The following ZNF562 variants were observed in gnomAD, a reference collection of about 807,000 sequenced individuals.
The protein encoded by ZNF562 is zinc finger protein 562.
ZNF562 carries 13 observed loss-of-function variants against 17.5 expected under a neutral mutation model. The observed-to-expected ratio is 0.74, with a 90% CI of 0.48 to 1.18. The LOEUF (loss-of-function observed/expected upper bound fraction) is 1.18. Ranked by LOEUF, ZNF562 falls within the 50% of genes most tolerant of loss-of-function variation. ZNF562 has a pLI of 0.00. For missense variants in ZNF562, 481 were observed against 498.5 expected, an observed-to-expected ratio of 0.96 and a Z score of 0.33; for synonymous variants, 163 against 165.4, an observed-to-expected ratio of 0.99 and a Z score of 0.11.
Position 9,659,458 on chromosome 19 carries a change from G to T in ZNF562, c.35C>A (p.Pro12His), listed in dbSNP as rs756681561. ...TTCAAAAGGACAGATTGGTTCCCTG[G>T]GAAAAAACCCTAGTGGAAAAGTAAG... ...SAFDMSHGFF[P>H]REPICPFEEK... is the part of the protein sequence containing the mutation. The change falls in exon 3 of 6, where the codon CCC becomes CAC. Residue 12 changes from proline to histidine, a missense_variant. This residue lies in a region of ZNF562 where 403 missense variants were observed against 386.4 expected (regional missense o/e 1.04). Coordinates refer to ENST00000453372, the MANE Select transcript of ZNF562 (RefSeq NM_001130031.2). 24 of 1,550,716 alleles carry T rather than the reference G, an allele frequency of 1.5e-5. No individual in the cohort carries two copies. The East Asian group carries it at 5.6e-4, about 36-fold the overall frequency.
In ZNF562 at chr19:9,642,838, C is replaced by A. The variant is rs1012385465; in HGVS notation, c.*10111G>T. The A allele has an allele frequency of 7.0e-6, 1 of 143,772 alleles. No homozygotes were observed. The highest frequency in any genetic ancestry group is 1.5e-5 in the Non-Finnish European group (1 of 65,762). The allele number at this position is 143,772 out of a possible 1,614,324, so 8.9% of individuals were successfully genotyped here. Reference sequence around the variant, plus strand: ...AACAGGATTTCAAGACCAGCCTGGGCAATATAGTGAGACACAGTCTCGACC... The same window carrying A: ...AACAGGATTTCAAGACCAGCCTGGGAAATATAGTGAGACACAGTCTCGACC... On this transcript the variant is annotated 3_prime_UTR_variant, in exon 6 of 6. Coordinates refer to ENST00000453372, the MANE Select transcript of ZNF562 (RefSeq NM_001130031.2).
Position 9,653,517 on chromosome 19 carries a change from T to C in ZNF562, c.713A>G (p.Glu238Gly), listed in dbSNP as rs767787366. ...GEKLCEFQECERAITTSSHLK... is the reference protein window; with the variant it reads ...GEKLCEFQECGRAITTSSHLK... ...GTGTGAGGAAGTTGTGATGGCTCTCTCACATTCCTGAAATTCACAGAGTTT... is the reference window on the plus strand; with the variant it reads ...GTGTGAGGAAGTTGTGATGGCTCTCCCACATTCCTGAAATTCACAGAGTTT... Residue 238 changes from glutamate (E) to glycine (G), a missense_variant, in exon 6 of 6, where the codon GAG becomes GGG. This residue lies in a region of ZNF562 where 403 missense variants were observed against 386.4 expected (regional missense o/e 1.04). Transcript: ENST00000453372. 2 of 1,614,216 alleles carry C rather than the reference T, an allele frequency of 1.2e-6. No individual in the cohort carries two copies. The highest frequency in any genetic ancestry group is 8.5e-7 in the Non-Finnish European group (1 of 1,180,036).
rs143760171 is a variant in ZNF562 at position 9,672,849 on chromosome 19, G to A, written c.-131+2166C>T. Among the ~76,000 whole-genome samples the A allele has an allele frequency of 2.0e-3, 295 of 147,302 alleles. 5 individuals are homozygous for A. The highest frequency in any genetic ancestry group is 0.015 in the Admixed American group (224 of 14,508). Reference sequence around the variant, plus strand: ...GGCTGGAGGGCAGTGGCGGGATCTCGGCTCAATGCAACCTCCGCCTCCCGG... The same window carrying A: ...GGCTGGAGGGCAGTGGCGGGATCTCAGCTCAATGCAACCTCCGCCTCCCGG... On this transcript the variant is annotated intron_variant, in intron 1 of 5. Coordinates refer to ENST00000453372, the MANE Select transcript of ZNF562 (RefSeq NM_001130031.2).
At chr19:9,671,039 TAC>T (rs2044180669) in intron 1 of ZNF562, among the ~76,000 whole-genome samples, 1 of 150,286 alleles carries the variant, frequency 6.7e-6, no homozygotes, top group Non-Finnish European at 1.5e-5. Flanking sequence ...CGGTAAAATA[TAC>T]AGTTAGAAGA....
chr19:9,654,414 C>G (rs1456446231), intron 5 of ZNF562, among the ~76,000 whole-genome samples: 1 of 152,222 alleles, frequency 6.6e-6, no homozygotes, highest in East Asian at 1.9e-4. Flanking sequence ...TAGCTAAAAG[C>G]TGTGTAGCTA....
rs1209251250 is a variant in ZNF562 at position 9,647,647 on chromosome 19, G to A, written c.*5302C>T. The A allele has an allele frequency of 1.3e-5, 2 of 152,118 alleles. No individual in the cohort carries two copies. Among genetic ancestry groups the A allele is most frequent in the Non-Finnish European group, 2.9e-5 (2 of 68,048 alleles). 9.4% of individuals were successfully genotyped at this position (152,118 alleles called of 1,614,324 possible). ...GCATGCAGATCACCTGAGGTCAGGA[G>A]TTTGAGACCAGCCTGGCCAACTTGA... On this transcript the variant is annotated 3_prime_UTR_variant, in exon 6 of 6. Coordinates refer to ENST00000453372, the MANE Select transcript of ZNF562 (RefSeq NM_001130031.2).
chr19:9,645,933 G>A lies in ZNF562; in HGVS notation c.*7016C>T, dbSNP rs773671277. On this transcript the variant is annotated 3_prime_UTR_variant, in exon 6 of 6. Transcript: ENST00000453372. ...TTAAAGGTATGATCAATACACATCA[G>A]TACAAAGAGGGGAACACAATGAAAC... The A allele has an allele frequency of 3.9e-5, 6 of 151,998 alleles. No individual in the cohort carries two copies. The highest frequency in any genetic ancestry group is 7.3e-5 in the African/African-American group (3 of 41,364). The allele number at this position is 151,998 out of a possible 1,614,324, so 9.4% of individuals were successfully genotyped here.
rs58199071 is a variant in ZNF562 at position 9,655,717 on chromosome 19, C to CTTTTTTTTT, written c.348+821_348+829dup. 3.1e-3 allele frequency among the ~76,000 whole-genome samples: 149 copies of CTTTTTTTTT among 48,698 alleles called. 2 individuals are homozygous for CTTTTTTTTT. Among genetic ancestry groups the CTTTTTTTTT allele is most frequent in the Non-Finnish European group, 3.8e-3 (106 of 28,146 alleles). 31.9% of individuals were successfully genotyped at this position (48,698 alleles called of 152,430 possible). On this transcript the variant is annotated intron_variant, in intron 5 of 5. Coordinates refer to ENST00000453372, the MANE Select transcript of ZNF562 (RefSeq NM_001130031.2). ...TTACAGGATTCACTTTCTTTTCTTT[C>CTTTTTTTTT]TTTTTTTTTTTTTTTTTTTTTTTTT...
intron 1 of ZNF562, among the ~76,000 whole-genome samples, chr19:9,662,715 A>G (rs1419861800): frequency 2.0e-5 from 3 of 151,946 alleles, no homozygotes; most frequent in African/African-American, 7.3e-5. Context: ...CCCCGTCTCT[A>G]CTAAAATACA....
At chr19:9,666,527 T>G (rs1435992885) in intron 1 of ZNF562, among the ~76,000 whole-genome samples, 1 of 151,488 alleles carries the variant, frequency 6.6e-6, no homozygotes, top group Non-Finnish European at 1.5e-5. Flanking sequence ...GATTCAAAAT[T>G]AGTAGAACAA....
intron 1 of ZNF562, among the ~76,000 whole-genome samples, chr19:9,662,495 G>A (rs962747524): frequency 2.0e-5 from 3 of 151,590 alleles, no homozygotes; most frequent in African/African-American, 7.3e-5. Flanking sequence ...CCGGGAGGCA[G>A]AGGTTGCAGT....
intron 1 of ZNF562, among the ~76,000 whole-genome samples, chr19:9,669,128 TA>T (rs2044053821): frequency 6.6e-6 from 1 of 152,170 alleles, no homozygotes; most frequent in African/African-American, 2.4e-5. Context: ...TACATCAAGC[TA>T]AAAAGCTTCT....
intron 4 of ZNF562, among the ~76,000 whole-genome samples, chr19:9,657,560 T>C (rs1384135971): frequency 6.6e-6 from 1 of 151,574 alleles, no homozygotes; most frequent in Non-Finnish European, 1.5e-5. Flanking sequence ...TCTTTTTTTT[T>C]TTTTTGAGTC....
chr19:9,664,583 GTT>G (rs1384995988), intron 1 of ZNF562, among the ~76,000 whole-genome samples: 1 of 152,194 alleles, frequency 6.6e-6, no homozygotes, highest in East Asian at 1.9e-4. Context: ...TTCTTGCACG[GTT>G]TGGCTTATGG....
chr19:9,662,573 A>C (rs533410025), intron 1 of ZNF562, among the ~76,000 whole-genome samples: 1 of 151,854 alleles, frequency 6.6e-6, no homozygotes, highest in Admixed American at 6.6e-5. Flanking sequence ...AAAAAAAAAA[A>C]AGAGAGAAAG....
chr19:9,647,714 G>C lies in ZNF562; in HGVS notation c.*5235C>G, dbSNP rs564434592. The C allele has an allele frequency of 6.6e-6, 1 of 152,046 alleles. No homozygotes were observed. The highest frequency in any genetic ancestry group is 2.4e-5 in the African/African-American group (1 of 41,402). The allele number at this position is 152,046 out of a possible 1,614,324, so 9.4% of individuals were successfully genotyped here. A position where few individuals can be genotyped will look rare whatever the true frequency, so the allele number is the denominator to read the frequency against. On this transcript the variant is annotated 3_prime_UTR_variant, in exon 6 of 6. Coordinates refer to ENST00000453372, the MANE Select transcript of ZNF562 (RefSeq NM_001130031.2). ...AAAAATACAAAAATCAGCCAGGCAA[G>C]GTGGAGGCTGTCTGTAATCTCAGCT... is the stretch of plus-strand genomic sequence containing the variant.
chr19:9,664,937 C>T (rs924973624), intron 1 of ZNF562, among the ~76,000 whole-genome samples: 6 of 152,022 alleles, frequency 3.9e-5, no homozygotes, highest in African/African-American at 1.2e-4. Flanking sequence ...AAAAACAGCT[C>T]TAGGCCAGGT....
rs1410519639 is a variant in ZNF562, at chr19:9,669,748, A to ACG, written c.-131+5266_-131+5267insCG. 6.8e-5 allele frequency among the ~76,000 whole-genome samples: 10 copies of ACG among 147,990 alleles called. No homozygotes were observed. The East Asian group carries it at 2.0e-3, about 29-fold the overall frequency. On this transcript the variant is annotated intron_variant, in intron 1 of 5. Transcript: ENST00000453372. ...CGCGCGCGCGCGCACACACACACAC[A>ACG]CACACACACACACACACACACACAC...
intron 3 of ZNF562, among the ~76,000 whole-genome samples, chr19:9,658,878 A>G (rs940944012): frequency 1.3e-5 from 2 of 151,960 alleles, no homozygotes; most frequent in Admixed American, 6.6e-5. Flanking sequence ...CTGCAGCTTC[A>G]ATCTCCTGGG....
Sources: gnomAD v4.1 joint callset for allele counts (sites outside exome capture counted in the v4.1 genomes callset) on GRCh38, gnomAD v4.1.1 for gene constraint, gnomAD v4.1.1 regional missense constraint, MANE v1.5 for transcripts, NCBI Gene and HGNC (gene_info 2026-07-23, HGNC 2026-07-21) for gene names.